CILK1: variants seen among roughly 807,000 people sequenced by gnomAD.
CILK1 encodes the protein serine/threonine-protein kinase ICK.
In CILK1, 47 loss-of-function variants were observed where a neutral mutation model predicts 79.2. The observed-to-expected ratio is 0.59, with a 90% confidence interval of 0.47 to 0.76. The LOEUF (loss-of-function observed/expected upper bound fraction) is 0.76, where lower values mean the gene tolerates loss of function less well. Among genes scored for constraint, CILK1 ranks in the 30% least tolerant of loss-of-function variants. The pLI is 0.00. For synonymous variants in CILK1, 266 were observed against 275.9 expected, an observed-to-expected ratio of 0.96 and a Z score of 0.36; for missense variants, 660 against 769.5, an observed-to-expected ratio of 0.86 and a Z score of 1.68.
intron 1 of CILK1, among the ~76,000 whole-genome samples, chr6:53,043,287 GCC>G (rs1475613769): frequency 6.6e-6 from 1 of 151,914 alleles, no homozygotes; most frequent in Non-Finnish European, 1.5e-5. Context: ...CTGCACGCCA[GCC>G]TGGGTAACAG....
At chr6:53,040,449 G>A (rs538486787) in intron 2 of CILK1, among the ~76,000 whole-genome samples, 1 of 152,308 alleles carries the variant, frequency 6.6e-6, no homozygotes, top group South Asian at 2.1e-4. Context: ...CAGCCGGCAG[G>A]GAACTGAGGC....
chr6:53,038,196 C>T (rs893904189), intron 2 of CILK1, among the ~76,000 whole-genome samples: 6 of 152,154 alleles, frequency 3.9e-5, no homozygotes, highest in Admixed American at 6.5e-5. Flanking sequence ...TTGCCAGTAG[C>T]AGTGGTGTGG....
At chr6:53,009,375 G>A (rs1237829610) in intron 12 of CILK1, 64 bp downstream of exon 12, 2 of 1,531,944 alleles carry the variant, frequency 1.3e-6, no homozygotes, top group African/African-American at 2.7e-5. Context: ...GACTCCTTGT[G>A]CCCACCTTCC....
intron 12 of CILK1, among the ~76,000 whole-genome samples, chr6:53,008,203 T>C (rs1438356838): frequency 3.3e-5 from 5 of 151,496 alleles, no homozygotes; most frequent in Non-Finnish European, 7.4e-5. Flanking sequence ...TTATATAATA[T>C]ATGATATATA....
intron 8 of CILK1, among the ~76,000 whole-genome samples, chr6:53,014,968 C>A (rs533806066): frequency 3.3e-5 from 5 of 152,228 alleles, no homozygotes; most frequent in African/African-American, 4.8e-5. Flanking sequence ...TGAATTTCAC[C>A]ACCAGAACTG....
intron 5 of CILK1, among the ~76,000 whole-genome samples, chr6:53,023,123 C>T (rs556487562): frequency 3.4e-4 from 51 of 152,078 alleles, no homozygotes; most frequent in African/African-American, 1.1e-3. Flanking sequence ...TTAGTAGAGG[C>T]GGGGTTTCAC....
intron 5 of CILK1, among the ~76,000 whole-genome samples, chr6:53,026,233 C>T (rs772910407): frequency 1.3e-5 from 2 of 152,176 alleles, no homozygotes; most frequent in Non-Finnish European, 2.9e-5. Context: ...GGTGCCATCT[C>T]GGCTCACTGC....
At chr6:53,040,898 A>G (rs1766660983) in intron 2 of CILK1, among the ~76,000 whole-genome samples, 1 of 152,222 alleles carries the variant, frequency 6.6e-6, no homozygotes, top group South Asian at 2.1e-4. Flanking sequence ...TCACAATAAG[A>G]GAAAACACAC....
In CILK1 at chr6:53,013,972, T is replaced by C. The variant is rs1173066407; in HGVS notation, c.842A>G (p.Tyr281Cys). The change falls in exon 9 of 14, where the codon TAT becomes TGT. Residue 281 changes from tyrosine to cysteine, a missense_variant. Transcript: ENST00000676107. ...KRPTASQALR[Y>C]PYFQVGHPLG... ...TGGGTGTCCAACTTGGAAGTAAGGATATCGAAGTGCCTGGAATGACAAATA... is the reference window on the plus strand; with the variant it reads ...TGGGTGTCCAACTTGGAAGTAAGGACATCGAAGTGCCTGGAATGACAAATA... The C allele has an allele frequency of 1.9e-6, 3 of 1,613,704 alleles. No homozygotes were observed. The South Asian group carries it at 3.3e-5, about 18-fold the overall frequency.
intron 8 of CILK1, 133 bp downstream of exon 8, chr6:53,015,950 T>C: frequency 1.1e-6 from 1 of 893,336 alleles, no homozygotes; most frequent in East Asian, 2.5e-5. Context: ...TCTCATACCT[T>C]ATATAGTACA....
At chr6:53,034,815 G>A (rs1766200230) in intron 3 of CILK1, among the ~76,000 whole-genome samples, 1 of 152,208 alleles carries the variant, frequency 6.6e-6, no homozygotes, top group Non-Finnish European at 1.5e-5. Context: ...GTGTCAAGGA[G>A]TAATCAGCAA....
intron 1 of CILK1, among the ~76,000 whole-genome samples, chr6:53,051,546 A>T (rs1461416245): frequency 6.6e-6 from 1 of 152,112 alleles, no homozygotes; most frequent in Non-Finnish European, 1.5e-5. Flanking sequence ...TGCCTCTATG[A>T]TCACATTTTC....
rs543280751 is a variant in CILK1 at position 53,052,227 on chromosome 6, TG to T, written c.-173+9368del. ...TTCATCCATGTCCCTGCAAAGGACATGATCTCATACCATTTTATAGCGGCAA... is the reference window on the plus strand; with the variant it reads ...TTCATCCATGTCCCTGCAAAGGACATATCTCATACCATTTTATAGCGGCAA... On this transcript the variant is annotated intron_variant, in intron 1 of 13. Transcript: ENST00000676107. Among the ~76,000 whole-genome samples, 577 of 152,338 alleles carry T rather than the reference TG, an allele frequency of 3.8e-3. 2 individuals carry two copies. The highest frequency in any genetic ancestry group is 0.013 in the African/African-American group (558 of 41,576).
At chr6:53,044,041 G>C (rs539893839) in intron 1 of CILK1, among the ~76,000 whole-genome samples, 12 of 152,262 alleles carry the variant, frequency 7.9e-5, no homozygotes, top group African/African-American at 2.6e-4. Context: ...GGAAAGAGTT[G>C]GCAGAGTTTT....
At chr6:53,028,703 C>T (rs991035823) in intron 5 of CILK1, among the ~76,000 whole-genome samples, 1 of 152,182 alleles carries the variant, frequency 6.6e-6, no homozygotes, top group Admixed American at 6.5e-5. Context: ...ATAAACTGAG[C>T]CTTCCCTGGT....
intron 1 of CILK1, among the ~76,000 whole-genome samples, chr6:53,049,861 T>C (rs1409779783): frequency 2.0e-5 from 3 of 152,004 alleles, no homozygotes; most frequent in Non-Finnish European, 4.4e-5. Context: ...GCTGGGACTA[T>C]AGGCATGCAC....
intron 2 of CILK1, among the ~76,000 whole-genome samples, 196 bp downstream of exon 2, chr6:53,040,940 G>A (rs1314446914): frequency 6.6e-6 from 1 of 152,186 alleles, no homozygotes; most frequent in Non-Finnish European, 1.5e-5. Context: ...TATGTGCAAA[G>A]TAGTAAATCT....
At chr6:53,052,400 G>A (rs1767543902) in intron 1 of CILK1, among the ~76,000 whole-genome samples, 1 of 152,032 alleles carries the variant, frequency 6.6e-6, no homozygotes, top group Admixed American at 6.6e-5. Flanking sequence ...ACCAGAGATG[G>A]CACACTGGCA....
chr6:53,027,237 C>T lies in CILK1; in HGVS notation c.358+3828G>A, dbSNP rs973507104. Among the ~76,000 whole-genome samples the T allele has an allele frequency of 1.8e-4, 28 of 152,384 alleles. 1 individual carries two copies. Among genetic ancestry groups the T allele is most frequent in the African/African-American group, 6.0e-4 (25 of 41,598 alleles). On this transcript the variant is annotated intron_variant, in intron 5 of 13. Transcript: ENST00000676107. ...GAAACACAGAGGCAGAGAACCATCT[C>T]TTGGTGCAAAACATTGTCCTTCAGA... is the stretch of plus-strand genomic sequence containing the variant.
Sources: allele counts gnomAD v4.1 joint callset (sites outside exome capture counted in the v4.1 genomes callset), GRCh38; gene constraint gnomAD v4.1.1; transcripts MANE v1.5; gene names NCBI Gene and HGNC (gene_info 2026-07-23, HGNC 2026-07-21).